COL21A1: variants seen among roughly 807,000 people sequenced by gnomAD.
The protein encoded by COL21A1 is collagen type XXI alpha 1 chain, also known as collagen alpha-1(XXI) chain.
In COL21A1, 149 loss-of-function variants were observed where a neutral mutation model predicts 137.9. That is an observed-to-expected ratio of 1.08 (90% CI 0.95 to 1.24). The LOEUF (loss-of-function observed/expected upper bound fraction) is 1.24, where lower values mean the gene tolerates loss of function less well. Among genes scored for constraint, COL21A1 ranks in the 50% most tolerant of loss-of-function variants. COL21A1 has a pLI of 0.00. For synonymous variants in COL21A1, 456 were observed against 391.5 expected (o/e 1.16, Z -1.95); for missense variants, 1,167 against 1,158.4 (o/e 1.01, Z -0.11).
In COL21A1 at chr6:56,243,091, G is replaced by A. The variant is rs191916236; in HGVS notation, c.-39+4296C>T. Among the ~76,000 whole-genome samples the A allele has an allele frequency of 8.0e-4, 122 of 152,214 alleles. 1 individual carries two copies. The highest frequency in any genetic ancestry group is 1.6e-3 in the Admixed American group (24 of 15,288). On this transcript the variant is annotated intron_variant, in intron 1 of 29. Transcript: ENST00000244728. ...AAACCTGTTCCCTCATTTATATTAC[G>A]CAAATTCTAATATCCCTAACCATTC...
At chr6:56,197,019 G>T (rs971450359) in intron 1 of COL21A1, among the ~76,000 whole-genome samples, 30 of 152,120 alleles carry the variant, frequency 2.0e-4, no homozygotes, top group Admixed American at 9.8e-4. Flanking sequence ...TATGGCACTG[G>T]CATAAAAACA....
Position 56,164,476 on chromosome 6 carries a change from T to C in COL21A1, c.1318A>G (p.Thr440Ala). Residue 440 changes from threonine to alanine, a missense_variant, in exon 9 of 30, where the codon ACT (threonine) becomes GCT (alanine). By Grantham distance (58) the Thr-to-Ala change is moderately conservative. Transcript: ENST00000244728. ...GGAGGACAAATACAGGGAGCTGGAG[T>C]TGAACCTACATCACTGGGACCATTA... Reference protein sequence around the residue: ...CLNGPSDVGSTPAPCICPPGK... With the variant: ...CLNGPSDVGSAPAPCICPPGK... 6.3e-7 allele frequency: 1 copy of C among 1,589,260 alleles called. No homozygotes were observed. The highest frequency in any genetic ancestry group is 8.6e-7 in the Non-Finnish European group (1 of 1,166,742).
At chr6:56,271,621 A>G (rs1477512143) in intron 1 of COL21A1, among the ~76,000 whole-genome samples, 1 of 152,226 alleles carries the variant, frequency 6.6e-6, no homozygotes, top group Non-Finnish European at 1.5e-5. Flanking sequence ...AAGAGTCAAG[A>G]GAATGGGCAA....
intron 1 of COL21A1, among the ~76,000 whole-genome samples, chr6:56,373,023 AAAAG>A (rs2093992793): frequency 6.6e-6 from 1 of 152,196 alleles, no homozygotes; most frequent in Admixed American, 6.5e-5. Flanking sequence ...ATAAAAAAAA[AAAAG>A]AAACTTTGAG....
chr6:56,313,310 G>A (rs1267022998), intron 1 of COL21A1, among the ~76,000 whole-genome samples: 2 of 152,110 alleles, frequency 1.3e-5, no homozygotes, highest in Non-Finnish European at 2.9e-5. Context: ...AGTGAGAACA[G>A]CTCACTAGTC....
At chr6:56,215,094 T>G (rs1292046165) in intron 1 of COL21A1, among the ~76,000 whole-genome samples, 1 of 152,082 alleles carries the variant, frequency 6.6e-6, no homozygotes, top group African/African-American at 2.4e-5. Context: ...ACTGAGAAAT[T>G]TGACACTTAA....
chr6:56,338,466 C>T (rs1051283421), intron 1 of COL21A1, among the ~76,000 whole-genome samples: 4 of 152,176 alleles, frequency 2.6e-5, no homozygotes, highest in African/African-American at 9.7e-5. Context: ...TGCCCCCTCT[C>T]ACCCTGGCCA....
chr6:56,367,980 C>G (rs1176823644), intron 1 of COL21A1, among the ~76,000 whole-genome samples: 1 of 152,166 alleles, frequency 6.6e-6, no homozygotes, highest in Non-Finnish European at 1.5e-5. Flanking sequence ...TCCCAAAGTG[C>G]TGGAGTAACA....
intron 1 of COL21A1, among the ~76,000 whole-genome samples, chr6:56,193,175 G>A (rs983982899): frequency 6.6e-6 from 1 of 152,002 alleles, no homozygotes; most frequent in Non-Finnish European, 1.5e-5. Context: ...AGGGGGTGGG[G>A]GCCTAGGGAT....
rs769668485 is a variant in COL21A1, at chr6:56,069,122, G to A, written c.2020-5C>T. On this transcript the variant is annotated splice_polypyrimidine_tract_variant and splice_region_variant and intron_variant, in intron 21 of 29. Coordinates refer to ENST00000244728, the MANE Select transcript of COL21A1 (RefSeq NM_030820.4). Reference sequence around the variant, plus strand: ...ACCCGTTGCTCCTGGTTCTCCCTATGTAACACAGAAATTCCAGAAAGATCA... The same window carrying A: ...ACCCGTTGCTCCTGGTTCTCCCTATATAACACAGAAATTCCAGAAAGATCA... 29 of 1,587,422 alleles carry A rather than the reference G, an allele frequency of 1.8e-5. No individual in the cohort carries two copies. Among genetic ancestry groups the A allele is most frequent in the Non-Finnish European group, 2.2e-5 (26 of 1,165,590 alleles).
chr6:56,180,183 G>T (rs1777793536), intron 2 of COL21A1, 54 bp from the exon 3 acceptor site: 1 of 1,386,622 alleles, frequency 7.2e-7, no homozygotes, highest in Non-Finnish European at 9.7e-7. Flanking sequence ...AAGCAAAAAG[G>T]GAGAGATTTT....
intron 17 of COL21A1, 116 bp from the exon 18 acceptor site, chr6:56,077,689 C>A: frequency 1.6e-6 from 1 of 609,748 alleles, no homozygotes; most frequent in East Asian, 2.9e-5. Flanking sequence ...CAAATGTATA[C>A]ATATTATAAT....
At chr6:56,342,406 CAA>C (rs1226421269) in intron 1 of COL21A1, among the ~76,000 whole-genome samples, 1 of 152,186 alleles carries the variant, frequency 6.6e-6, no homozygotes, top group Non-Finnish European at 1.5e-5. Flanking sequence ...TTTGTTCTTG[CAA>C]AAATCCCACT....
At position 56,166,948 on chromosome 6, in the gene COL21A1, T is replaced by C. The variant is rs758648200; in HGVS notation, c.1236A>G (p.Pro412=). 4 of 1,612,806 alleles carry C rather than the reference T, an allele frequency of 2.5e-6. No homozygotes were observed. The highest frequency in any genetic ancestry group is 2.2e-5 in the East Asian group (1 of 44,842). Reference sequence around the variant, plus strand: ...ATGCTGTCTCCCGGTTGTTCTGTTCTGGGTCACAGTAGATTCGCAACTTTT... The same window carrying C: ...ATGCTGTCTCCCGGTTGTTCTGTTCCGGGTCACAGTAGATTCGCAACTTTT... ...DVQKLRIYCD[P]EQNNRETACE... is the part of the protein sequence containing the mutation. Residue 412 remains proline (P), a synonymous_variant, in exon 7 of 30, where the codon CCA becomes CCG. Transcript: ENST00000244728.
intron 1 of COL21A1, among the ~76,000 whole-genome samples, chr6:56,238,513 T>A (rs1171517737): frequency 6.7e-6 from 1 of 149,914 alleles, no homozygotes; most frequent in African/African-American, 2.5e-5. Flanking sequence ...AAGCGAGACC[T>A]GAGGATACCC....
In COL21A1 at chr6:56,170,957, T is replaced by C. The variant is rs369736810; in HGVS notation, c.809+3A>G. ...AAAAGTTGTGTCAACATATAATGCA[T>C]ACCTTGTGAGTTCTGATAAATCAAC... On this transcript the variant is annotated splice_donor_region_variant and intron_variant, in intron 4 of 29. Coordinates refer to ENST00000244728, the MANE Select transcript of COL21A1 (RefSeq NM_030820.4). 4 of 1,600,086 alleles carry C rather than the reference T, an allele frequency of 2.5e-6. No individual in the cohort carries two copies. In the African/African-American group the frequency reaches 4.0e-5, roughly 16 times the overall value.
intron 1 of COL21A1, among the ~76,000 whole-genome samples, chr6:56,291,335 G>A (rs79261722): frequency 0.078 from 11,841 of 152,230 alleles, 531 homozygotes; most frequent in Middle Eastern, 0.14. Context: ...GGGGCAAGGT[G>A]AAGTTCATTT....
upstream of COL21A1, among the ~76,000 whole-genome samples, chr6:56,249,242 T>C (rs72877923): frequency 0.012 from 1,846 of 152,282 alleles, 17 homozygotes; most frequent in South Asian, 0.022. Context: ...TATGGAGAAA[T>C]TGGAACACTC....
At chr6:56,224,796 A>C (rs577843894) in intron 1 of COL21A1, among the ~76,000 whole-genome samples, 1 of 152,092 alleles carries the variant, frequency 6.6e-6, no homozygotes, top group South Asian at 2.1e-4. Flanking sequence ...CATTTGGACA[A>C]ATATGCTGAA....
Sources: gnomAD v4.1 joint callset for allele counts (sites outside exome capture counted in the v4.1 genomes callset) on GRCh38, gnomAD v4.1.1 for gene constraint, MANE v1.5 for transcripts, NCBI Gene and HGNC (gene_info 2026-07-23, HGNC 2026-07-21) for gene names.